The following KIF16B variants were observed in gnomAD, a reference collection of about 807,000 sequenced individuals.
The protein encoded by KIF16B is kinesin family member 16B, also known as kinesin-like protein KIF16B.
A neutral mutation model predicts 156.3 loss-of-function variants in KIF16B; 98 were observed. The ratio of observed to expected loss-of-function variants is 0.63; its 90% confidence interval spans 0.53 to 0.74. KIF16B has a LOEUF of 0.74. KIF16B is among the 30% of genes least tolerant of loss of function. The pLI, the probability that KIF16B is intolerant of heterozygous loss-of-function variation, is 0.00. For missense variants in KIF16B, 1,421 were observed against 1,606.5 expected, an observed-to-expected ratio of 0.88 and a Z score of 1.97; for synonymous variants, 564 against 583.7, an observed-to-expected ratio of 0.97 and a Z score of 0.49.
At chr20:16,493,826 A>G (rs942584955) in intron 12 of KIF16B, among the ~76,000 whole-genome samples, 1 of 152,226 alleles carries the variant, frequency 6.6e-6, no homozygotes, top group African/African-American at 2.4e-5. Flanking sequence ...ATGCAGAAAA[A>G]TATTTTGATA....
At chr20:16,317,516 T>G (rs960992178) in intron 24 of KIF16B, among the ~76,000 whole-genome samples, 9 of 152,246 alleles carry the variant, frequency 5.9e-5, no homozygotes, top group African/African-American at 2.2e-4. Flanking sequence ...CCTTACAACT[T>G]TTTTGGAGAG....
intron 12 of KIF16B, among the ~76,000 whole-genome samples, chr20:16,455,860 G>A (rs1285069582): frequency 2.6e-5 from 4 of 151,988 alleles, no homozygotes; most frequent in African/African-American, 4.8e-5. Flanking sequence ...CTGACTCAAG[G>A]TCTATTAAGT....
At chr20:16,303,827 A>G (rs1409775134) in intron 25 of KIF16B, among the ~76,000 whole-genome samples, 1 of 152,248 alleles carries the variant, frequency 6.6e-6, no homozygotes, top group Non-Finnish European at 1.5e-5. Flanking sequence ...GGTGGATGGC[A>G]TTAGGGCCAG....
intron 12 of KIF16B, among the ~76,000 whole-genome samples, chr20:16,490,431 C>T (rs11907246): frequency 0.056 from 8,492 of 152,192 alleles, 495 homozygotes; most frequent in African/African-American, 0.15. Context: ...ATCCCAGCTA[C>T]TCAGGAGGCT....
At chr20:16,504,670 C>A (rs1383587691) in intron 9 of KIF16B, 123 bp from the exon 10 acceptor site, 1 of 690,564 alleles carries the variant, frequency 1.4e-6, no homozygotes, top group South Asian at 2.2e-5. Flanking sequence ...ATATTCATTG[C>A]CACAGTAATG....
At chr20:16,557,920 T>C (rs925588622) in intron 1 of KIF16B, among the ~76,000 whole-genome samples, 3 of 152,084 alleles carry the variant, frequency 2.0e-5, no homozygotes, top group African/African-American at 7.2e-5. Context: ...AAGACAGAAA[T>C]GGTCCCAGTG....
intron 17 of KIF16B, among the ~76,000 whole-genome samples, chr20:16,399,290 A>G (rs1456535756): frequency 6.6e-6 from 1 of 152,164 alleles, no homozygotes; most frequent in Non-Finnish European, 1.5e-5. Context: ...CTGGGGTGAC[A>G]TGTGTGGCTT....
At chr20:16,492,412 C>A (rs1020359547) in intron 12 of KIF16B, among the ~76,000 whole-genome samples, 1 of 152,100 alleles carries the variant, frequency 6.6e-6, no homozygotes, top group African/African-American at 2.4e-5. Flanking sequence ...CTAAAACAGG[C>A]TTATAAGATC....
rs537866055 is a variant in KIF16B at position 16,448,095 on chromosome 20, G to A, written c.1303-18113C>T. Among the ~76,000 whole-genome samples the A allele has an allele frequency of 2.0e-5, 3 of 152,206 alleles. No homozygotes were observed. The South Asian group carries it at 6.2e-4, about 32-fold the overall frequency. ...TCTTTTCTGAAGTATCCTGGGCTAG[G>A]TCATCATCCCAACCCAACCATCCCC... On this transcript the variant is annotated intron_variant, in intron 12 of 25. Coordinates refer to ENST00000354981, the MANE Select transcript of KIF16B (RefSeq NM_024704.5).
At chr20:16,570,697 C>G (rs1381061671) in intron 1 of KIF16B, among the ~76,000 whole-genome samples, 1 of 152,118 alleles carries the variant, frequency 6.6e-6, no homozygotes, top group African/African-American at 2.4e-5. Flanking sequence ...CCAAGGACAC[C>G]ATCTTATTCT....
intron 1 of KIF16B, among the ~76,000 whole-genome samples, chr20:16,537,512 C>G (rs2070017535): frequency 6.6e-6 from 1 of 151,958 alleles, no homozygotes. Context: ...CCTAAAATGG[C>G]TGTTAAATGT....
chr20:16,414,368 C>T (rs1041617520), intron 15 of KIF16B, among the ~76,000 whole-genome samples: 3 of 152,036 alleles, frequency 2.0e-5, no homozygotes, highest in African/African-American at 7.2e-5. Flanking sequence ...TCACATCATG[C>T]CATCAGATCA....
intron 23 of KIF16B, among the ~76,000 whole-genome samples, chr20:16,346,920 G>A (rs1342705562): frequency 1.3e-5 from 2 of 152,116 alleles, no homozygotes; most frequent in Admixed American, 1.3e-4. Context: ...GCAAACCAAG[G>A]AATGTAAAGT....
At chr20:16,319,751 A>T (rs1448049876) in intron 24 of KIF16B, among the ~76,000 whole-genome samples, 1 of 152,210 alleles carries the variant, frequency 6.6e-6, no homozygotes, top group African/African-American at 2.4e-5. Flanking sequence ...CAGGAGCCCC[A>T]CCAGGTTCTC....
At chr20:16,391,943 G>A (rs2065376764) in intron 17 of KIF16B, among the ~76,000 whole-genome samples, 1 of 152,196 alleles carries the variant, frequency 6.6e-6, no homozygotes, top group Admixed American at 6.5e-5. Context: ...ACAGTGGCAT[G>A]AGCTTCACAG....
intron 11 of KIF16B, among the ~76,000 whole-genome samples, chr20:16,495,860 T>C (rs1474906038): frequency 1.3e-5 from 2 of 152,082 alleles, no homozygotes; most frequent in Non-Finnish European, 2.9e-5. Flanking sequence ...CCAGCTAATT[T>C]TTGTATTTTT....
chr20:16,420,332 T>C (rs2066194625), intron 15 of KIF16B, among the ~76,000 whole-genome samples: 2 of 152,164 alleles, frequency 1.3e-5, no homozygotes, highest in Non-Finnish European at 2.9e-5. Flanking sequence ...ATGTTGACAA[T>C]CTGCTAAATT....
chr20:16,432,843 C>A (rs2066538151), intron 12 of KIF16B, among the ~76,000 whole-genome samples: 2 of 152,088 alleles, frequency 1.3e-5, no homozygotes, highest in Admixed American at 1.3e-4. Context: ...GAGAAAATGA[C>A]CAATGCATAA....
At chr20:16,520,647 A>G (rs1378027356) in intron 3 of KIF16B, among the ~76,000 whole-genome samples, 1 of 152,212 alleles carries the variant, frequency 6.6e-6, no homozygotes, top group Non-Finnish European at 1.5e-5. Context: ...TGAAGAGAGC[A>G]GCAGATCTCC....
Sources: gnomAD v4.1 joint callset for allele counts (sites outside exome capture counted in the v4.1 genomes callset) on GRCh38, gnomAD v4.1.1 for gene constraint, MANE v1.5 for transcripts, NCBI Gene and HGNC (gene_info 2026-07-23, HGNC 2026-07-21) for gene names.